Variants in CCDC30 observed in about 807,000 individuals in gnomAD.
CCDC30 encodes the protein coiled-coil domain-containing protein 30.
A neutral mutation model predicts 100.2 loss-of-function variants in CCDC30; 70 were observed. The observed-to-expected ratio is 0.70, with a 90% confidence interval of 0.58 to 0.85. The LOEUF is 0.85. CCDC30 is among the 40% of genes least tolerant of loss of function. The probability of loss-of-function intolerance (pLI) is 0.00; values close to 1 mark genes in which losing one functional copy is unlikely to be tolerated. For synonymous variants in CCDC30, 233 were observed against 269.5 expected (o/e 0.86, Z 1.33); for missense variants, 652 against 771.2 (o/e 0.85, Z 1.83).
At chr1:42,539,955 C>T (rs952587565) in intron 6 of CCDC30, among the ~76,000 whole-genome samples, 1 of 151,308 alleles carries the variant, frequency 6.6e-6, no homozygotes, top group Non-Finnish European at 1.5e-5. Flanking sequence ...CTGGCCAGGG[C>T]AAAGGATTCC....
At chr1:42,568,735 G>C (rs1393882254) in intron 7 of CCDC30, among the ~76,000 whole-genome samples, 1 of 150,024 alleles carries the variant, frequency 6.7e-6, no homozygotes, top group Non-Finnish European at 1.5e-5. Context: ...TTTGAGACCA[G>C]CCTGGCTAAC....
intron 3 of CCDC30, among the ~76,000 whole-genome samples, chr1:42,488,712 A>G (rs1001368102): frequency 2.0e-5 from 3 of 152,326 alleles, no homozygotes; most frequent in Non-Finnish European, 2.9e-5. Flanking sequence ...TTGGAGCAAT[A>G]TATTTCACTA....
At chr1:42,541,045 T>A (rs990841608) in intron 6 of CCDC30, among the ~76,000 whole-genome samples, 1 of 152,202 alleles carries the variant, frequency 6.6e-6, no homozygotes, top group South Asian at 2.1e-4. Flanking sequence ...ACTGTCTCAG[T>A]CAGTTTGGGC....
At chr1:42,554,470 G>A (rs762993346) in intron 6 of CCDC30, among the ~76,000 whole-genome samples, 23 of 151,900 alleles carry the variant, frequency 1.5e-4, no homozygotes, top group Non-Finnish European at 3.4e-4. Context: ...TAGAGACAGG[G>A]TTTCGCCATG....
At chr1:42,643,115 T>C (rs1424785002) in intron 13 of CCDC30, among the ~76,000 whole-genome samples, 1 of 152,218 alleles carries the variant, frequency 6.6e-6, no homozygotes, top group Non-Finnish European at 1.5e-5. Flanking sequence ...GGGTTGATGT[T>C]AACAAATAAT....
intron 6 of CCDC30, chr1:42,500,410 G>A (rs944069679): frequency 9.4e-6 from 9 of 958,866 alleles, no homozygotes; most frequent in Admixed American, 8.0e-5. Context: ...GGCCACCACC[G>A]AGTTCTCTCT....
chr1:42,578,426 C>T (rs373891266), intron 8 of CCDC30, among the ~76,000 whole-genome samples: 2 of 152,002 alleles, frequency 1.3e-5, no homozygotes, highest in African/African-American at 2.4e-5. Context: ...ATATCTTGGT[C>T]GGGGAAGTAG....
At chr1:42,589,510 C>A in intron 10 of CCDC30, 27 bp downstream of exon 14, 1 of 1,592,406 alleles carries the variant, frequency 6.3e-7, no homozygotes, top group South Asian at 1.1e-5. Context: ...ACATGCTTCT[C>A]AGTTTTCCTA....
At chr1:42,575,834 T>C (rs1320051509) in intron 7 of CCDC30, among the ~76,000 whole-genome samples, 2 of 151,962 alleles carry the variant, frequency 1.3e-5, no homozygotes, top group Non-Finnish European at 2.9e-5. Flanking sequence ...ATTCTGAAAA[T>C]TGCCCCCTGC....
At chr1:42,532,321 A>T (rs1310007097) in intron 6 of CCDC30, among the ~76,000 whole-genome samples, 1 of 152,136 alleles carries the variant, frequency 6.6e-6, no homozygotes, top group Non-Finnish European at 1.5e-5. Flanking sequence ...GGGAGATGGG[A>T]GTCCTGTGAC....
chr1:42,569,964 C>T, intron 7 of CCDC30, among the ~76,000 whole-genome samples: 1 of 151,966 alleles, frequency 6.6e-6, no homozygotes, highest in East Asian at 1.9e-4. Context: ...CATTACACAC[C>T]AGGGCCTGTC....
intron 6 of CCDC30, among the ~76,000 whole-genome samples, chr1:42,557,527 T>C (rs1050213021): frequency 1.3e-5 from 2 of 151,766 alleles, no homozygotes; most frequent in African/African-American, 4.8e-5. Flanking sequence ...ATTGCCACAA[T>C]AGGAATGAAC....
At position 42,516,368 on chromosome 1, in the gene CCDC30, G is replaced by C. The variant is rs540583117; in HGVS notation, c.456+17452G>C. Among the ~76,000 whole-genome samples the C allele has an allele frequency of 4.6e-5, 7 of 152,062 alleles. No individual in the cohort carries two copies. The South Asian group carries it at 1.5e-3, about 32-fold the overall frequency. On this transcript the variant is annotated intron_variant, in intron 6 of 16. Coordinates refer to ENST00000668663, the Ensembl canonical transcript of CCDC30. ...CCGAGTGACAGGTGTTTGGGTCATG[G>C]GGAAGATCCCTCATGAATAGATTAA...
Position 42,556,425 on chromosome 1 carries a change from G to T in CCDC30, c.457-9871G>T, listed in dbSNP as rs1645371513. 1.3e-6 allele frequency: 2 copies of T among 1,563,016 alleles called. No individual in the cohort carries two copies. The highest frequency in any genetic ancestry group is 1.7e-6 in the Non-Finnish European group (2 of 1,155,790). On this transcript the variant is annotated intron_variant, in intron 6 of 16. Transcript: ENST00000668663. ...GCCCAGGTAGGTGCTATAAACACAT[G>T]CCCTGACTGGGTTCGTTTCCTCTGA...
intron 6 of CCDC30, chr1:42,533,895 C>G (rs1433070855): frequency 6.6e-6 from 1 of 152,204 alleles, no homozygotes; most frequent in Non-Finnish European, 1.5e-5. Context: ...TCTCCAGAGT[C>G]GTTGGTGGCT....
chr1:42,489,210 T>C (rs1199581390), intron 3 of CCDC30, among the ~76,000 whole-genome samples: 2 of 152,228 alleles, frequency 1.3e-5, no homozygotes, highest in African/African-American at 4.8e-5. Context: ...ATCCCAGCCA[T>C]ACAGTTTACT....
chr1:42,624,863 TTGTC>T (rs1221357582), intron 11 of CCDC30, among the ~76,000 whole-genome samples: 1 of 152,180 alleles, frequency 6.6e-6, no homozygotes, highest in Non-Finnish European at 1.5e-5. Flanking sequence ...GTATGTGTCT[TTGTC>T]TGGTTTTGGT....
intron 7 of CCDC30, among the ~76,000 whole-genome samples, chr1:42,576,040 G>T (rs1645830117): frequency 6.6e-6 from 1 of 152,192 alleles, no homozygotes; most frequent in African/African-American, 2.4e-5. Context: ...ATAGACAAGG[G>T]CCAGAGTGTA....
chr1:42,636,410 G>A (rs1485567058), intron 11 of CCDC30, among the ~76,000 whole-genome samples: 1 of 151,052 alleles, frequency 6.6e-6, no homozygotes, highest in Non-Finnish European at 1.5e-5. Flanking sequence ...TGTCTCAAAA[G>A]AAGAAGAAGA....
Sources: allele counts gnomAD v4.1 joint callset (sites outside exome capture counted in the v4.1 genomes callset), GRCh38; gene constraint gnomAD v4.1.1; transcripts MANE v1.5; gene names NCBI Gene and HGNC (gene_info 2026-07-23, HGNC 2026-07-21).